Variants in FER1L6 observed in about 807,000 individuals in gnomAD.
FER1L6 encodes the protein fer-1 like family member 6.
In FER1L6, 177 loss-of-function variants were observed where a neutral mutation model predicts 219.2. That is an observed-to-expected ratio of 0.81 (90% confidence interval 0.71 to 0.91). FER1L6 has a LOEUF of 0.91. FER1L6 is among the 40% of genes least tolerant of loss of function. The pLI is 0.00. For synonymous variants in FER1L6, 768 were observed against 824.3 expected, an observed-to-expected ratio of 0.93 and a Z score of 1.17; for missense variants, 2,153 against 2,259.9, an observed-to-expected ratio of 0.95 and a Z score of 0.96.
intron 1 of FER1L6, among the ~76,000 whole-genome samples, chr8:123,935,221 G>C (rs1813939168): frequency 6.6e-6 from 1 of 151,720 alleles, no homozygotes; most frequent in African/African-American, 2.4e-5. Context: ...ATCAGTATGA[G>C]CTTATGGATT....
chr8:124,009,311 C>A (rs1817806955), intron 13 of FER1L6, among the ~76,000 whole-genome samples: 1 of 152,144 alleles, frequency 6.6e-6, no homozygotes, highest in Non-Finnish European at 1.5e-5. Flanking sequence ...TATTTATTTA[C>A]TTCCTCTGCA....
intron 1 of FER1L6, among the ~76,000 whole-genome samples, chr8:123,904,104 G>A (rs976209772): frequency 6.6e-6 from 1 of 152,120 alleles, no homozygotes; most frequent in African/African-American, 2.4e-5. Flanking sequence ...CCTGAGGCCT[G>A]AAAGGGTGTG....
At chr8:123,994,349 A>C (rs7834560) in intron 12 of FER1L6, among the ~76,000 whole-genome samples, 8,600 of 152,256 alleles carry the variant, frequency 0.056, 567 homozygotes, top group African/African-American at 0.16. Context: ...GCAGCAGCTC[A>C]AATGGGGAGT....
chr8:123,867,925 C>T (rs1339021250), intron 1 of FER1L6, among the ~76,000 whole-genome samples: 1 of 152,238 alleles, frequency 6.6e-6, no homozygotes, highest in Non-Finnish European at 1.5e-5. Flanking sequence ...TCCTGTTCTG[C>T]TCTCTACCAG....
chr8:123,910,049 T>C (rs1813024920), intron 1 of FER1L6, among the ~76,000 whole-genome samples: 1 of 152,182 alleles, frequency 6.6e-6, no homozygotes, highest in Non-Finnish European at 1.5e-5. Flanking sequence ...GCAGTGATAA[T>C]CATGGCACCT....
At chr8:123,862,640 A>C (rs1433456132) in intron 1 of FER1L6, among the ~76,000 whole-genome samples, 2 of 145,542 alleles carry the variant, frequency 1.4e-5, no homozygotes, top group Non-Finnish European at 3.0e-5. Context: ...ACTATTGATT[A>C]TTGCCACAAT....
intron 1 of FER1L6, among the ~76,000 whole-genome samples, chr8:123,938,954 T>A (rs546901971): frequency 6.6e-6 from 1 of 152,376 alleles, no homozygotes; most frequent in East Asian, 1.9e-4. Context: ...TTTTTATTCT[T>A]CAAGGGAAGA....
At chr8:123,893,238 G>T (rs1052570513) in intron 1 of FER1L6, among the ~76,000 whole-genome samples, 3 of 152,146 alleles carry the variant, frequency 2.0e-5, no homozygotes, top group African/African-American at 7.2e-5. Context: ...ACTCTTGAAA[G>T]CAGGTTTCGG....
In FER1L6 at chr8:123,872,803, C is replaced by T. The variant is rs868390434; in HGVS notation, c.-8+20618C>T. 1.8e-4 allele frequency among the ~76,000 whole-genome samples: 27 copies of T among 152,162 alleles called. 1 individual carries two copies. Among genetic ancestry groups the T allele is most frequent in the Admixed American group, 1.6e-3 (24 of 15,270 alleles). ...TATTACCAACTCCTTGACATGTGTA[C>T]GAGGTCCTCTGTAATCTGACCATTC... On this transcript the variant is annotated intron_variant, in intron 1 of 40. Coordinates refer to ENST00000522917, the MANE Select transcript of FER1L6 (RefSeq NM_001039112.2).
chr8:124,082,532 C>T, intron 33 of FER1L6, 74 bp downstream of exon 33: 2 of 1,386,126 alleles, frequency 1.4e-6, no homozygotes, highest in Non-Finnish European at 2.0e-6. Flanking sequence ...GACTCTGCAT[C>T]CCAGTTGTCC....
Position 124,076,258 on chromosome 8 carries a change from C to T in FER1L6, c.4153C>T (p.Leu1385Phe), listed in dbSNP as rs1217588961. The T allele has an allele frequency of 1.9e-6, 3 of 1,614,072 alleles. No individual in the cohort carries two copies. The highest frequency in any genetic ancestry group is 1.7e-5 in the Admixed American group (1 of 60,024). Residue 1385 changes from leucine (L) to phenylalanine (F), a missense_variant, in exon 32 of 41, where the codon CTT becomes TTT. Transcript: ENST00000522917. ...ATCAGATCCCTACATTGTGATCAAG[C>T]TTGGCAAGACAGAAATCAAAGACCG... ...GKSDPYIVIK[L>F]GKTEIKDRDK...
At chr8:123,887,310 C>T (rs180752545) in intron 1 of FER1L6, among the ~76,000 whole-genome samples, 36 of 152,242 alleles carry the variant, frequency 2.4e-4, no homozygotes, top group Admixed American at 1.7e-3. Context: ...ACCAAACCCC[C>T]GGTGTTTTGG....
At chr8:124,025,549 A>G (rs1818668847) in intron 18 of FER1L6, among the ~76,000 whole-genome samples, 1 of 152,142 alleles carries the variant, frequency 6.6e-6, no homozygotes, top group South Asian at 2.1e-4. Flanking sequence ...ATCTACTTTT[A>G]TAGCAGTACC....
At chr8:123,879,101 C>G (rs929109496) in intron 1 of FER1L6, among the ~76,000 whole-genome samples, 2 of 152,106 alleles carry the variant, frequency 1.3e-5, no homozygotes, top group Non-Finnish European at 2.9e-5. Context: ...TAGGCCAGAC[C>G]AGGCTGGAAA....
At chr8:123,898,794 T>C in intron 1 of FER1L6, among the ~76,000 whole-genome samples, 1 of 90,114 alleles carries the variant, frequency 1.1e-5, no homozygotes, top group South Asian at 3.8e-4. Flanking sequence ...TGTACATATA[T>C]ACATATATAC....
chr8:124,003,165 A>T lies in FER1L6; in HGVS notation c.1520-2A>T. 1.2e-6 allele frequency: 2 copies of T among 1,613,304 alleles called. No homozygotes were observed. The highest frequency in any genetic ancestry group is 1.7e-6 in the Non-Finnish European group (2 of 1,179,426). ...CCTTTCCCCTTGCTACTGCCTCTGC[A>T]GGTAATTTTGGAAACCTGATTGATG... is the stretch of plus-strand genomic sequence containing the variant. On this transcript the variant is annotated splice_acceptor_variant, in intron 12 of 40. Transcript: ENST00000522917. LOFTEE classifies it high-confidence loss of function.
chr8:124,081,616 A>G (rs1563788735), intron 32 of FER1L6, among the ~76,000 whole-genome samples: 1 of 150,216 alleles, frequency 6.7e-6, no homozygotes, highest in Admixed American at 6.6e-5. Context: ...AAAAAAAAAA[A>G]AAAAAAAAAG....
Position 124,061,803 on chromosome 8 carries a change from C to T in FER1L6, c.3148-49C>T, listed in dbSNP as rs754773250. The stretch of plus-strand genomic sequence containing the variant: ...GATGCCCAGCTGGCTTTGGGTCTGC[C>T]CATGGAAGGGTCACCAGGCCCCTTC... On this transcript the variant is annotated intron_variant, in intron 24 of 40. Coordinates refer to ENST00000522917, the MANE Select transcript of FER1L6 (RefSeq NM_001039112.2). The T allele has an allele frequency of 3.8e-6, 6 of 1,592,288 alleles. No individual in the cohort carries two copies. The East Asian group carries it at 1.1e-4, about 30-fold the overall frequency.
Position 124,119,658 on chromosome 8 carries a change from C to A in FER1L6, c.5442C>A (p.Tyr1814Ter), listed in dbSNP as rs201097822. ...TCATGAGCCCCTTTAAGTGCCTGTACTACCTCATCTGGAAGAATTACAAAA... is the reference window on the plus strand; with the variant it reads ...TCATGAGCCCCTTTAAGTGCCTGTAATACCTCATCTGGAAGAATTACAAAA... ...SWFMSPFKCL[Y>*]YLIWKNYKKY... is the part of the protein sequence containing the mutation. Residue 1814 changes from tyrosine (Y) to a stop codon, truncating the protein, a stop_gained, in exon 41 of 41, where the codon TAC becomes TAA. Coordinates refer to ENST00000522917, the MANE Select transcript of FER1L6 (RefSeq NM_001039112.2). LOFTEE classifies it high-confidence loss of function. 29 of 1,613,632 alleles carry A rather than the reference C, an allele frequency of 1.8e-5. No homozygotes were observed. Among genetic ancestry groups the A allele is most frequent in the Non-Finnish European group, 2.2e-5 (26 of 1,179,700 alleles).
Sources: allele counts gnomAD v4.1 joint callset (sites outside exome capture counted in the v4.1 genomes callset), GRCh38; gene constraint gnomAD v4.1.1; transcripts MANE v1.5; gene names NCBI Gene and HGNC (gene_info 2026-07-23, HGNC 2026-07-21).